Variants in SLC35A3 observed in about 807,000 individuals in gnomAD.
SLC35A3 encodes solute carrier family 35 member A3.
In SLC35A3, 26 loss-of-function variants were observed where a neutral mutation model predicts 39.0. The ratio of observed to expected loss-of-function variants is 0.67; its 90% confidence interval spans 0.49 to 0.92. The LOEUF (loss-of-function observed/expected upper bound fraction) is 0.92. Ranked by LOEUF, SLC35A3 falls within the 40% of genes least tolerant of loss-of-function variation. The pLI is 0.00. For missense variants in SLC35A3, 299 were observed against 371.6 expected (o/e 0.80, Z 1.61); for synonymous variants, 135 against 133.1 (o/e 1.01, Z -0.10).
At chr1:99,970,422 G>A (rs1273179428) in intron 1 of SLC35A3, 2 of 678,912 alleles carry the variant, frequency 2.9e-6, no homozygotes, top group East Asian at 2.7e-5. Context: ...AAGGCCCGAG[G>A]AGAGGGGTGT....
chr1:99,997,845 A>G (rs1177116566), intron 2 of SLC35A3, among the ~76,000 whole-genome samples: 1 of 152,092 alleles, frequency 6.6e-6, no homozygotes, highest in Non-Finnish European at 1.5e-5. Flanking sequence ...AATGGGCTGC[A>G]GTGGTTAGAG....
chr1:100,002,415 TC>T, intron 3 of SLC35A3, among the ~76,000 whole-genome samples: 1 of 152,210 alleles, frequency 6.6e-6, no homozygotes, highest in Non-Finnish European at 1.5e-5. Flanking sequence ...TCTCTAATGA[TC>T]CTGTGTAATT....
Position 100,033,802 on chromosome 1 carries a change from T to C in SLC35A3, c.*11326T>C, listed in dbSNP as rs956819481. The C allele has an allele frequency of 1.3e-5, 2 of 152,054 alleles. No individual in the cohort carries two copies. Among genetic ancestry groups the C allele is most frequent in the Non-Finnish European group, 2.9e-5 (2 of 67,988 alleles). The allele number at this position is 152,054 out of a possible 1,614,324, so 9.4% of individuals were successfully genotyped here. ...TTTACACACTATTTTCCCATCCTAA[T>C]CCCCACCTTTGTAATAAAATTAATT... On this transcript the variant is annotated 3_prime_UTR_variant, in exon 8 of 8. Coordinates refer to ENST00000533028, the MANE Select transcript of SLC35A3 (RefSeq NM_012243.3).
At chr1:99,991,621 G>A (rs7519273) in intron 1 of SLC35A3, among the ~76,000 whole-genome samples, 13,982 of 152,184 alleles carry the variant, frequency 0.092, 1,158 homozygotes, top group African/African-American at 0.22. Context: ...AGCCTACAGC[G>A]ATTTTGTTCA....
intron 6 of SLC35A3, among the ~76,000 whole-genome samples, chr1:100,016,335 A>G (rs113342564): frequency 0.032 from 4,801 of 149,460 alleles, 271 homozygotes; most frequent in African/African-American, 0.11. Context: ...AAGTGCTGGG[A>G]TTACAGGTGT....
At chr1:99,976,057 C>G (rs1657088543) in intron 1 of SLC35A3, among the ~76,000 whole-genome samples, 1 of 151,866 alleles carries the variant, frequency 6.6e-6, no homozygotes, top group Non-Finnish European at 1.5e-5. Flanking sequence ...CAGACTTGGT[C>G]TCAAAAAAAC....
Position 100,006,946 on chromosome 1 carries a change from A to T in SLC35A3, c.343-88A>T, listed in dbSNP as rs569775172. 6 of 1,409,274 alleles carry T rather than the reference A, an allele frequency of 4.3e-6. No homozygotes were observed. In the East Asian group the frequency reaches 1.5e-4, roughly 36 times the overall value. 87.3% of individuals were successfully genotyped at this position (1,409,274 alleles called of 1,614,324 possible). ...ATGCAACCACCAGGCATGCTGCCATAGTCCTTAAAATACATTTCTAATAGT... is the reference window on the plus strand; with the variant it reads ...ATGCAACCACCAGGCATGCTGCCATTGTCCTTAAAATACATTTCTAATAGT... On this transcript the variant is annotated intron_variant, in intron 3 of 7. Coordinates refer to ENST00000533028, the MANE Select transcript of SLC35A3 (RefSeq NM_012243.3).
At chr1:100,012,234 A>C (rs1322530211) in intron 5 of SLC35A3, among the ~76,000 whole-genome samples, 3 of 152,094 alleles carry the variant, frequency 2.0e-5, no homozygotes, top group Non-Finnish European at 4.4e-5. Flanking sequence ...CAGTGAGCCA[A>C]GAATAAAGTG....
intron 2 of SLC35A3, among the ~76,000 whole-genome samples, chr1:99,995,934 G>C (rs1018228380): frequency 4.6e-5 from 7 of 152,192 alleles, no homozygotes; most frequent in African/African-American, 1.7e-4. Flanking sequence ...TAGTGTTTTT[G>C]CTGCTAAGGT....
intron 2 of SLC35A3, among the ~76,000 whole-genome samples, chr1:99,997,551 T>A (rs1251589387): frequency 1.4e-5 from 2 of 145,198 alleles, no homozygotes; most frequent in African/African-American, 5.1e-5. Context: ...ATATATATAT[T>A]ATATATATTA....
chr1:99,993,804 G>A (rs1463329100), intron 2 of SLC35A3, 63 bp downstream of exon 2: 13 of 1,395,070 alleles, frequency 9.3e-6, no homozygotes, highest in Non-Finnish European at 1.3e-5. Context: ...ATATATATTG[G>A]TAACTACACA....
At chr1:100,001,182 T>C (rs903730644) in intron 3 of SLC35A3, among the ~76,000 whole-genome samples, 1 of 152,146 alleles carries the variant, frequency 6.6e-6, no homozygotes, top group Non-Finnish European at 1.5e-5. Context: ...TTGCTTTGGC[T>C]ATTATTCAGG....
At chr1:99,986,191 GTC>G (rs1390976713) in intron 1 of SLC35A3, among the ~76,000 whole-genome samples, 2 of 148,542 alleles carry the variant, frequency 1.3e-5, no homozygotes, top group Non-Finnish European at 3.0e-5. Flanking sequence ...TTGAGACAGG[GTC>G]TCACTCTGTT....
At chr1:100,020,529 A>G (rs943848270) in intron 7 of SLC35A3, among the ~76,000 whole-genome samples, 2 of 152,242 alleles carry the variant, frequency 1.3e-5, no homozygotes, top group Non-Finnish European at 2.9e-5. Context: ...ATAACCTTAT[A>G]TGTATAACTG....
intron 2 of SLC35A3, among the ~76,000 whole-genome samples, chr1:99,998,115 G>A (rs1658531153): frequency 6.6e-6 from 1 of 151,268 alleles, no homozygotes; most frequent in Admixed American, 6.6e-5. Flanking sequence ...CTGTGCCAGA[G>A]CTAATCTGGT....
chr1:99,984,855 A>G (rs1657659417), intron 1 of SLC35A3, among the ~76,000 whole-genome samples: 1 of 151,964 alleles, frequency 6.6e-6, no homozygotes, highest in South Asian at 2.1e-4. Flanking sequence ...GCATTTTTTC[A>G]TATGTTTATT....
rs1661377614 is a variant in SLC35A3, at chr1:100,033,995, ATACT to A, written c.*11522_*11525del. Reference sequence around the variant, plus strand: ...GTTTAAAATTTCTTCTGGAGCCTAGATACTTAAAGTACACCTTGGCCATGTAGAA... The same window carrying A: ...GTTTAAAATTTCTTCTGGAGCCTAGATAAAGTACACCTTGGCCATGTAGAA... On this transcript the variant is annotated 3_prime_UTR_variant, in exon 8 of 8. Coordinates refer to ENST00000533028, the MANE Select transcript of SLC35A3 (RefSeq NM_012243.3). The A allele has an allele frequency of 6.6e-6, 1 of 152,196 alleles. No individual in the cohort carries two copies. The highest frequency in any genetic ancestry group is 1.5e-5 in the Non-Finnish European group (1 of 68,040). 9.4% of individuals were successfully genotyped at this position (152,196 alleles called of 1,614,324 possible). A position where few individuals can be genotyped will look rare whatever the true frequency, so the allele number is the denominator to read the frequency against.
At chr1:99,996,997 G>A (rs1450091222) in intron 2 of SLC35A3, among the ~76,000 whole-genome samples, 1 of 151,808 alleles carries the variant, frequency 6.6e-6, no homozygotes, top group African/African-American at 2.4e-5. Context: ...AGGCTCCTTA[G>A]AACCCTAATT....
At chr1:99,986,515 A>G (rs75714330) in intron 1 of SLC35A3, among the ~76,000 whole-genome samples, 2,041 of 152,232 alleles carry the variant, frequency 0.013, 18 homozygotes, top group Middle Eastern at 0.058. Context: ...GAATGTTTAT[A>G]TTGATGTTTG....
Sources: gnomAD v4.1 joint callset for allele counts (sites outside exome capture counted in the v4.1 genomes callset) on GRCh38, gnomAD v4.1.1 for gene constraint, MANE v1.5 for transcripts, NCBI Gene and HGNC (gene_info 2026-07-23, HGNC 2026-07-21) for gene names.